PPP6C: variants seen among roughly 807,000 people sequenced by gnomAD.
PPP6C encodes protein phosphatase 6 catalytic subunit.
Under a neutral mutation model 39.8 loss-of-function variants are expected in PPP6C, and 11 were observed. The observed-to-expected ratio is 0.28, with a 90% CI of 0.17 to 0.46. PPP6C has a LOEUF of 0.46. Among genes scored for constraint, PPP6C ranks in the 20% least tolerant of loss-of-function variants. PPP6C has a pLI of 1.00. For missense variants in PPP6C, 211 were observed against 373.9 expected (o/e 0.56, Z 3.59); for synonymous variants, 129 against 130.3 (o/e 0.99, Z 0.07).
chr9:125,146,702 T>C lies in PPP6C; in HGVS notation c.*2971A>G, dbSNP rs1202887071. 1 of 152,208 alleles carries C rather than the reference T, an allele frequency of 6.6e-6. No individual in the cohort carries two copies. Among genetic ancestry groups the C allele is most frequent in the Non-Finnish European group, 1.5e-5 (1 of 68,042 alleles). The allele number at this position is 152,208 out of a possible 1,614,324, so 9.4% of individuals were successfully genotyped here. On this transcript the variant is annotated 3_prime_UTR_variant, in exon 7 of 7. Coordinates refer to ENST00000373547, the MANE Select transcript of PPP6C (RefSeq NM_002721.5). ...TTTATTAATTTACACTGAGGGAATA[T>C]AGCACCTTTCATCCGAAGAACTGAA...
intron 1 of PPP6C, among the ~76,000 whole-genome samples, chr9:125,187,238 C>T (rs1829549825): frequency 6.6e-6 from 1 of 151,706 alleles, no homozygotes; most frequent in African/African-American, 2.4e-5. Flanking sequence ...TGAGCCACTG[C>T]ACCTGGCCAG....
At position 125,149,757 on chromosome 9, in the gene PPP6C, A is replaced by G; in HGVS notation, c.834T>C (p.Asn278=). 4 of 1,614,146 alleles carry G rather than the reference A, an allele frequency of 2.5e-6. No homozygotes were observed. The highest frequency in any genetic ancestry group is 3.4e-6 in the Non-Finnish European group (4 of 1,180,006). Residue 278 remains asparagine (N), a synonymous_variant, in exon 7 of 7, where the codon AAT becomes AAC. Transcript: ENST00000373547. ...CCCGGAATAACTTTGGTTCTCTTGT[A>G]TTTACATCTTTGAAGACCATGATCG... ...IASIMVFKDV[N]TREPKLFRAV...
intron 1 of PPP6C, among the ~76,000 whole-genome samples, chr9:125,183,580 C>T (rs147350683): frequency 0.01 from 1,558 of 152,266 alleles, 11 homozygotes; most frequent in Non-Finnish European, 0.015. Flanking sequence ...GTTTAACAGC[C>T]TACTCTTCTA....
intron 1 of PPP6C, among the ~76,000 whole-genome samples, chr9:125,188,347 C>T (rs890334213): frequency 3.1e-4 from 47 of 150,896 alleles, no homozygotes; most frequent in Middle Eastern, 3.5e-3. Context: ...ATGGTGCCAC[C>T]GCACTCCGGC....
At chr9:125,175,634 C>T (rs1379564177) in intron 1 of PPP6C, among the ~76,000 whole-genome samples, 1 of 145,040 alleles carries the variant, frequency 6.9e-6, no homozygotes, top group African/African-American at 2.6e-5. Flanking sequence ...CACAGCGAGA[C>T]TCCGTCTCAA....
At chr9:125,173,671 G>A (rs1160329831) in intron 1 of PPP6C, among the ~76,000 whole-genome samples, 3 of 152,062 alleles carry the variant, frequency 2.0e-5, no homozygotes, top group African/African-American at 7.2e-5. Context: ...AGGCTGGAGT[G>A]CAGTGGCGCA....
intron 1 of PPP6C, chr9:125,188,851 C>T (rs1004563115): frequency 1.0e-6 from 1 of 1,001,502 alleles, no homozygotes; most frequent in Non-Finnish European, 1.4e-6. Context: ...AAGCAGTATA[C>T]CAAAGTCATT....
intron 1 of PPP6C, among the ~76,000 whole-genome samples, chr9:125,178,525 A>G (rs1333630919): frequency 6.6e-6 from 1 of 152,086 alleles, no homozygotes; most frequent in Non-Finnish European, 1.5e-5. Flanking sequence ...AATATTCTTT[A>G]AGGGACAAAC....
chr9:125,170,975 C>T (rs1829135926), intron 2 of PPP6C, 110 bp downstream of exon 2: 2 of 670,164 alleles, frequency 3.0e-6, no homozygotes, highest in African/African-American at 1.9e-5. Flanking sequence ...CCTAGCTTAC[C>T]ACCAGTTGTG....
chr9:125,149,635 G>A lies in PPP6C; in HGVS notation c.*38C>T. ...TAATACAAGAAAATTGGGGTAAGAA[G>A]AGGGCAGAAAAATGGGTCAGCAGGA... On this transcript the variant is annotated 3_prime_UTR_variant, in exon 7 of 7. Transcript: ENST00000373547. 1 of 1,602,396 alleles carries A rather than the reference G, an allele frequency of 6.2e-7. No individual in the cohort carries two copies. Among genetic ancestry groups the A allele is most frequent in the Non-Finnish European group, 8.5e-7 (1 of 1,172,208 alleles).
intron 1 of PPP6C, among the ~76,000 whole-genome samples, chr9:125,188,479 C>A (rs993415714): frequency 1.3e-5 from 2 of 151,708 alleles, no homozygotes; most frequent in African/African-American, 4.8e-5. Flanking sequence ...TGCATAGAAA[C>A]ACTTTTCAAA....
intron 4 of PPP6C, among the ~76,000 whole-genome samples, chr9:125,155,387 T>C (rs536111907): frequency 6.6e-6 from 1 of 152,232 alleles, no homozygotes; most frequent in South Asian, 2.1e-4. Flanking sequence ...ATTTTCTCAA[T>C]TATATATCTA....
intron 1 of PPP6C, among the ~76,000 whole-genome samples, chr9:125,174,608 T>TA (rs888911418): frequency 2.1e-4 from 32 of 151,520 alleles, no homozygotes; most frequent in African/African-American, 5.8e-4. Context: ...CATCACTCAT[T>TA]AAAAAAAATA....
chr9:125,169,772 A>G (rs763093166), intron 2 of PPP6C, among the ~76,000 whole-genome samples: 43 of 152,184 alleles, frequency 2.8e-4, no homozygotes, highest in Non-Finnish European at 5.3e-4. Context: ...AGTCTACTCT[A>G]AAGAACTGTA....
chr9:125,169,779 T>C (rs1829102619), intron 2 of PPP6C, among the ~76,000 whole-genome samples: 1 of 152,178 alleles, frequency 6.6e-6, no homozygotes, highest in Non-Finnish European at 1.5e-5. Context: ...TCTAAAGAAC[T>C]GTAATTTTAA....
chr9:125,164,336 C>A (rs1040675484), intron 2 of PPP6C, among the ~76,000 whole-genome samples: 1 of 149,472 alleles, frequency 6.7e-6, no homozygotes, highest in Non-Finnish European at 1.5e-5. Flanking sequence ...AAGCAATCCT[C>A]CTGCCTCAGC....
intron 2 of PPP6C, among the ~76,000 whole-genome samples, chr9:125,167,472 C>T (rs1829047589): frequency 7.0e-6 from 1 of 143,774 alleles, no homozygotes; most frequent in Non-Finnish European, 1.5e-5. Flanking sequence ...AGACAGGAGA[C>T]AGGAGGATCA....
intron 2 of PPP6C, among the ~76,000 whole-genome samples, chr9:125,162,912 T>C (rs1768036298): frequency 6.6e-6 from 1 of 151,852 alleles, no homozygotes. Context: ...ACCCAGTCTC[T>C]ACTAAAAATA....
intron 2 of PPP6C, among the ~76,000 whole-genome samples, chr9:125,163,390 T>C (rs1015319782): frequency 6.6e-6 from 1 of 152,190 alleles, no homozygotes; most frequent in African/African-American, 2.4e-5. Context: ...GAAGAGTGAG[T>C]ATCCTTAAAC....
Sources: allele counts gnomAD v4.1 joint callset (sites outside exome capture counted in the v4.1 genomes callset), GRCh38; gene constraint gnomAD v4.1.1; transcripts MANE v1.5; gene names NCBI Gene and HGNC (gene_info 2026-07-23, HGNC 2026-07-21).